MORC2: variants seen among roughly 807,000 people sequenced by gnomAD.
MORC2 encodes the protein ATPase MORC2.
A neutral mutation model predicts 136.0 loss-of-function variants in MORC2; 30 were observed. That is an observed-to-expected ratio of 0.22 (90% CI 0.17 to 0.30). The LOEUF is 0.30. Ranked by LOEUF, MORC2 falls within the 10% of genes least tolerant of loss-of-function variation. The probability of loss-of-function intolerance (pLI) is 1.00; values close to 1 mark genes in which losing one functional copy is unlikely to be tolerated. For missense variants in MORC2, 922 were observed against 1,333.1 expected (o/e 0.69, Z 4.80); for synonymous variants, 439 against 487.0 (o/e 0.90, Z 1.30).
In MORC2 at chr22:30,940,007, A is replaced by T. The variant is rs755275051; in HGVS notation, c.939T>A (p.Ala313=). 172 of 1,613,864 alleles carry T rather than the reference A, an allele frequency of 1.1e-4. 1 individual carries two copies. In the South Asian group the frequency reaches 1.6e-3, roughly 15 times the overall value. Residue 313 remains alanine, a synonymous_variant, in exon 11 of 26, where the codon GCT becomes GCA. Transcript: ENST00000397641. Reference sequence around the variant, plus strand: ...CACCTAGGCGTACTTCTAATGTCCGAGCTTTGCTCTCTGCCTCCCGCGCCT... The same window carrying T: ...CACCTAGGCGTACTTCTAATGTCCGTGCTTTGCTCTCTGCCTCCCGCGCCT... ...EEKAREAESK[A]RTLEVRLGGD...
At chr22:30,950,293 A>G in intron 4 of MORC2, 84 bp downstream of exon 4, 1 of 1,454,234 alleles carries the variant, frequency 6.9e-7, no homozygotes, top group South Asian at 1.2e-5. Context: ...AGGCAACAGA[A>G]AAACAAGTTC....
intron 5 of MORC2, among the ~76,000 whole-genome samples, chr22:30,946,699 T>C (rs1391163720): frequency 6.6e-6 from 1 of 151,826 alleles, no homozygotes; most frequent in Non-Finnish European, 1.5e-5. Context: ...AACCACACCA[T>C]ACAGGGTTCT....
chr22:30,935,067 C>G lies in MORC2; in HGVS notation c.1907G>C (p.Arg636Thr). The change falls in exon 19 of 26, where the codon AGA (arginine) becomes ACA (threonine). Residue 636 changes from arginine (R) to threonine (T), a missense_variant. Physicochemically the swap from Arg to Thr is moderately conservative, Grantham distance 71. Coordinates refer to ENST00000397641, the MANE Select transcript of MORC2 (RefSeq NM_001303256.3). ...AGCCTTTCGGGGCTGGCTGGCTGGT[C>G]TAGGAGTTGGCAAAGAAGGGGGTCT... The part of the protein sequence containing the change: ...PSRPPSLPTP[R>T]PASQPRKAPV... 1 of 1,613,774 alleles carries G rather than the reference C, an allele frequency of 6.2e-7. No homozygotes were observed. Among genetic ancestry groups the G allele is most frequent in the Non-Finnish European group, 8.5e-7 (1 of 1,180,004 alleles).
rs749974643 is a variant in MORC2 at position 30,968,045 on chromosome 22, G to C, written c.-156C>G. 13 of 589,126 alleles carry C rather than the reference G, an allele frequency of 2.2e-5. No homozygotes were observed. Among genetic ancestry groups the C allele is most frequent in the Non-Finnish European group, 3.3e-5 (11 of 332,948 alleles). 36.5% of individuals were successfully genotyped at this position (589,126 alleles called of 1,614,324 possible). A position where few individuals can be genotyped will look rare whatever the true frequency, so the allele number is the denominator to read the frequency against. On this transcript the variant is annotated 5_prime_UTR_variant, in exon 1 of 26. Coordinates refer to ENST00000397641, the MANE Select transcript of MORC2 (RefSeq NM_001303256.3). ...CTAGTAGCTATCCAAAATATATGCA[G>C]AGATGTTTAAAACTACAATTTCTTC...
chr22:30,956,038 C>T (rs183773059), intron 3 of MORC2, among the ~76,000 whole-genome samples: 1 of 151,278 alleles, frequency 6.6e-6, no homozygotes, highest in Admixed American at 6.6e-5. Flanking sequence ...CTGTCTTCCT[C>T]CATTCTGCTT....
intron 12 of MORC2, among the ~76,000 whole-genome samples, chr22:30,938,859 G>A (rs1231365321): frequency 3.3e-5 from 5 of 152,128 alleles, no homozygotes; most frequent in East Asian, 1.9e-4. Flanking sequence ...GTGAGCCACC[G>A]TGCCCGGCCA....
chr22:30,966,105 T>C (rs2041124571), intron 1 of MORC2, among the ~76,000 whole-genome samples: 2 of 152,242 alleles, frequency 1.3e-5, no homozygotes. Flanking sequence ...GGACAATGTT[T>C]AAAATAGTGA....
chr22:30,934,100 C>G lies in MORC2; in HGVS notation c.2285G>C (p.Gly762Ala). ...CTTTTCCTCCTTCACAACAAATCTG[C>G]CCCGCTTGCACCTCTCCTTCCTCCT... Reference protein sequence around the residue: ...AERRKERCKRGRFVVKEEKKD... With the variant: ...AERRKERCKRARFVVKEEKKD... Residue 762 changes from glycine (G) to alanine (A), a missense_variant, in exon 20 of 26, where the codon GGC (glycine) becomes GCC (alanine). Gly to Ala is a moderately conservative substitution (Grantham distance 60, BLOSUM62 0). Around this residue, in one of 9 missense-constraint regions of MORC2, gnomAD observed 263 missense variants for 388.3 expected, o/e 0.68. Transcript: ENST00000397641. This position sits in a 1 kb window ranked among gnomAD's most constrained non-coding sequence, Gnocchi z 4.4. 6.2e-7 allele frequency: 1 copy of G among 1,614,182 alleles called. No individual in the cohort carries two copies. Among genetic ancestry groups the G allele is most frequent in the Non-Finnish European group, 8.5e-7 (1 of 1,180,028 alleles).
chr22:30,930,453 A>G (rs767537584), intron 24 of MORC2, among the ~76,000 whole-genome samples: 4 of 152,146 alleles, frequency 2.6e-5, no homozygotes, highest in African/African-American at 7.2e-5. Flanking sequence ...CCACTCCCTC[A>G]TATCTTGCTG....
intron 3 of MORC2, among the ~76,000 whole-genome samples, chr22:30,954,471 T>C (rs1248768441): frequency 2.0e-5 from 3 of 152,194 alleles, no homozygotes; most frequent in Non-Finnish European, 4.4e-5. Context: ...TCTTGACTGT[T>C]CCCTCAAGAT....
Position 30,937,496 on chromosome 22 carries a change from T to A in MORC2, c.1498+87A>T, listed in dbSNP as rs1189546646. 1.8e-5 allele frequency: 28 copies of A among 1,545,838 alleles called. No homozygotes were observed. In the South Asian group the frequency reaches 3.1e-4, roughly 17 times the overall value. ...GGGACTGTAAGTCCATGAATGTCAG[T>A]CAAGTTAGGAGGCTGGCAGGAAGAT... On this transcript the variant is annotated intron_variant, in intron 15 of 25. Transcript: ENST00000397641. This position sits in a 1 kb window ranked among gnomAD's most constrained non-coding sequence, Gnocchi z 4.7.
chr22:30,942,202 C>T lies in MORC2; in HGVS notation c.496G>A (p.Ala166Thr). 6.2e-7 allele frequency: 1 copy of T among 1,614,160 alleles called. No individual in the cohort carries two copies. Among genetic ancestry groups the T allele is most frequent in the Admixed American group, 1.7e-5 (1 of 60,030 alleles). ...EPVTDNVEKF[A>T]IETELIYKYS... ...TTATAGATGAGTTCTGTCTCAATGGCAAATTTCTCTACATTGTCTGTGACA... is the reference window on the plus strand; with the variant it reads ...TTATAGATGAGTTCTGTCTCAATGGTAAATTTCTCTACATTGTCTGTGACA... The change falls in exon 7 of 26, where the codon GCC (alanine) becomes ACC (threonine). Residue 166 changes from alanine to threonine, a missense_variant. Ala to Thr is a moderately conservative substitution (Grantham distance 58). Around this residue, in one of 9 missense-constraint regions of MORC2, gnomAD observed 261 missense variants for 354.3 expected, o/e 0.74. Transcript: ENST00000397641.
chr22:30,946,820 C>G (rs2040823581), intron 5 of MORC2, among the ~76,000 whole-genome samples: 1 of 152,164 alleles, frequency 6.6e-6, no homozygotes, highest in Non-Finnish European at 1.5e-5. Context: ...TTGGTTCATC[C>G]CAGACGCATG....
chr22:30,929,997 C>T (rs5753396), intron 24 of MORC2: 58,345 of 151,868 alleles, frequency 0.38, 12,053 homozygotes, highest in East Asian at 0.65. Context: ...GGATTACAGG[C>T]ATGCACCACA....
chr22:30,937,557 C>CGG lies in MORC2; in HGVS notation c.1498+24_1498+25dup. 1 of 1,608,180 alleles carries CGG rather than the reference C, an allele frequency of 6.2e-7. No homozygotes were observed. Among genetic ancestry groups the CGG allele is most frequent in the Non-Finnish European group, 8.5e-7 (1 of 1,178,074 alleles). On this transcript the variant is annotated intron_variant, in intron 15 of 25. Coordinates refer to ENST00000397641, the MANE Select transcript of MORC2 (RefSeq NM_001303256.3). The surrounding 1 kb of genome is among the most constrained non-coding windows in gnomAD (Gnocchi z 4.7). Reference sequence around the variant, plus strand: ...GGCTTGTGGGCTGATGGAAATGAGTCGGGGGGGTCCAACCACCCAACTCAC... The same window carrying CGG: ...GGCTTGTGGGCTGATGGAAATGAGTCGGGGGGGGGTCCAACCACCCAACTCAC...
intron 25 of MORC2, among the ~76,000 whole-genome samples, chr22:30,927,676 T>TCC (rs2040508669): frequency 6.6e-6 from 1 of 152,216 alleles, no homozygotes; most frequent in African/African-American, 2.4e-5. Flanking sequence ...ATTGCCTGGA[T>TCC]GAAGGGCCAA....
intron 11 of MORC2, 48 bp from the exon 12 acceptor site, chr22:30,939,754 G>A (rs752715641): frequency 2.5e-5 from 39 of 1,557,132 alleles, no homozygotes; most frequent in Non-Finnish European, 3.3e-5. Context: ...CTAGGCCACA[G>A]CAGGGAATAT....
In MORC2 at chr22:30,941,992, C is replaced by T; in HGVS notation, c.597G>A (p.Val199=). ...MKIPGDSGTL[V]IIFNLKLMDN... ...CCATGAGTTTGAGATTGAAGATGAT[C>T]ACCAATGTTCCTGAGAAACAGAAAT... The change falls in exon 8 of 26, where the codon GTG becomes GTA. Residue 199 remains valine (V), a synonymous_variant. Coordinates refer to ENST00000397641, the MANE Select transcript of MORC2 (RefSeq NM_001303256.3). The surrounding 1 kb of genome is among the most constrained non-coding windows in gnomAD (Gnocchi z 4.6). 1 of 1,613,172 alleles carries T rather than the reference C, an allele frequency of 6.2e-7. No homozygotes were observed. Among genetic ancestry groups the T allele is most frequent in the Non-Finnish European group, 8.5e-7 (1 of 1,179,144 alleles).
At chr22:30,959,997 C>T (rs1231854308) in intron 1 of MORC2, among the ~76,000 whole-genome samples, 4 of 152,184 alleles carry the variant, frequency 2.6e-5, no homozygotes, top group Admixed American at 2.0e-4. Flanking sequence ...GACAGAGTTT[C>T]GCTCTTGTCG....
Sources: gnomAD v4.1 joint callset for allele counts (sites outside exome capture counted in the v4.1 genomes callset) on GRCh38, gnomAD v4.1.1 for gene constraint, gnomAD v4.1.1 regional missense constraint, Gnocchi (gnomAD v3.1) non-coding constraint, MANE v1.5 for transcripts, NCBI Gene and HGNC (gene_info 2026-07-23, HGNC 2026-07-21) for gene names.